The following CMSS1 variants were observed in gnomAD, a reference collection of about 807,000 sequenced individuals.
CMSS1 encodes protein CMSS1.
CMSS1 carries 33 observed loss-of-function variants against 43.5 expected under a neutral mutation model. The observed-to-expected ratio is 0.76, with a 90% confidence interval of 0.57 to 1.01. The LOEUF (loss-of-function observed/expected upper bound fraction) is 1.01. Ranked by LOEUF, CMSS1 falls within the 50% of genes least tolerant of loss-of-function variation. The probability of loss-of-function intolerance (pLI) is 0.00; values close to 1 mark genes in which losing one functional copy is unlikely to be tolerated. For missense variants in CMSS1, 313 were observed against 326.4 expected (o/e 0.96, Z 0.32); for synonymous variants, 115 against 117.2 (o/e 0.98, Z 0.12).
intron 1 of CMSS1, among the ~76,000 whole-genome samples, chr3:99,832,277 C>T (rs888520485): frequency 6.7e-6 from 1 of 148,576 alleles, no homozygotes; most frequent in African/African-American, 2.5e-5. Flanking sequence ...ATCACCCAGA[C>T]TGGAGTGCAG....
At chr3:99,863,187 C>T (rs915002627) in intron 1 of CMSS1, among the ~76,000 whole-genome samples, 30 of 152,270 alleles carry the variant, frequency 2.0e-4, no homozygotes, top group Middle Eastern at 3.4e-3. Context: ...ATTAGATTCT[C>T]ATAAGGAGCA....
In CMSS1 at chr3:99,991,975, C is replaced by T. The variant is rs138203799; in HGVS notation, c.65-154998C>T. ...GTATATATGTGTGTATATATACACA[C>T]ATATATGTGTATATATACGTATATA... On this transcript the variant is annotated intron_variant, in intron 1 of 9. Coordinates refer to ENST00000421999, the MANE Select transcript of CMSS1 (RefSeq NM_032359.4). Among the ~76,000 whole-genome samples the T allele has an allele frequency of 3.4e-3, 501 of 146,468 alleles. 4 individuals carry two copies. Among genetic ancestry groups the T allele is most frequent in the African/African-American group, 0.012 (468 of 39,520 alleles).
intron 1 of CMSS1, among the ~76,000 whole-genome samples, chr3:99,953,553 G>C (rs552704777): frequency 6.6e-6 from 1 of 152,078 alleles, no homozygotes; most frequent in East Asian, 1.9e-4. Flanking sequence ...CCTTTGAATG[G>C]GGTCCTAAAT....
intron 1 of CMSS1, among the ~76,000 whole-genome samples, chr3:100,034,551 G>A (rs967685889): frequency 5.3e-5 from 8 of 152,140 alleles, no homozygotes; most frequent in Non-Finnish European, 1.2e-4. Flanking sequence ...ATTATTTGGG[G>A]CCTCAAATCC....
intron 1 of CMSS1, among the ~76,000 whole-genome samples, chr3:100,136,360 G>T (rs2066753106): frequency 6.6e-6 from 1 of 152,204 alleles, no homozygotes; most frequent in Non-Finnish European, 1.5e-5. Flanking sequence ...GCTTTGAGTG[G>T]TCTTGTGTCC....
chr3:100,115,747 A>G (rs888631895), intron 1 of CMSS1, among the ~76,000 whole-genome samples: 1 of 152,156 alleles, frequency 6.6e-6, no homozygotes. Flanking sequence ...ATACTCTTCT[A>G]CATAACCACA....
intron 1 of CMSS1, among the ~76,000 whole-genome samples, chr3:99,946,694 A>G (rs1708018325): frequency 6.6e-6 from 1 of 152,194 alleles, no homozygotes; most frequent in African/African-American, 2.4e-5. Flanking sequence ...TTGAGGGATG[A>G]TTGTAGTTTA....
At chr3:100,042,350 G>C (rs1395547043) in intron 1 of CMSS1, among the ~76,000 whole-genome samples, 1 of 151,668 alleles carries the variant, frequency 6.6e-6, no homozygotes, top group Non-Finnish European at 1.5e-5. Context: ...AAAAAACATT[G>C]GCTCTGTGAC....
At chr3:100,038,846 A>G (rs1193772951) in intron 1 of CMSS1, among the ~76,000 whole-genome samples, 2 of 152,184 alleles carry the variant, frequency 1.3e-5, no homozygotes, top group East Asian at 3.8e-4. Context: ...ATGTATTGTT[A>G]AGTCCAAAAG....
chr3:100,026,117 G>A (rs1428148636), intron 1 of CMSS1, among the ~76,000 whole-genome samples: 3 of 152,146 alleles, frequency 2.0e-5, no homozygotes, highest in Admixed American at 6.6e-5. Flanking sequence ...GAGGCTGGAC[G>A]AGGCTGGACC....
intron 1 of CMSS1, among the ~76,000 whole-genome samples, chr3:100,050,480 T>C (rs1049574090): frequency 6.6e-6 from 1 of 152,198 alleles, no homozygotes; most frequent in Non-Finnish European, 1.5e-5. Context: ...CATAGTCATT[T>C]TCTGTTTTTT....
chr3:100,007,133 T>C (rs781073904), intron 1 of CMSS1, among the ~76,000 whole-genome samples: 1 of 152,180 alleles, frequency 6.6e-6, no homozygotes, highest in African/African-American at 2.4e-5. Flanking sequence ...AGCCTATTGG[T>C]AAATGTTTGA....
intron 6 of CMSS1, among the ~76,000 whole-genome samples, chr3:100,169,753 C>T (rs2067094701): frequency 2.0e-5 from 3 of 152,204 alleles, no homozygotes; most frequent in Non-Finnish European, 4.4e-5. Flanking sequence ...CTGTACTTGC[C>T]GGTCCTGAAA....
intron 1 of CMSS1, among the ~76,000 whole-genome samples, chr3:99,905,311 G>A (rs1022350944): frequency 1.3e-5 from 2 of 152,126 alleles, no homozygotes; most frequent in Non-Finnish European, 2.9e-5. Flanking sequence ...CTAGTCCCAT[G>A]TGTGCACTTA....
At position 100,109,532 on chromosome 3, in the gene CMSS1, A is replaced by G. The variant is rs574511693; in HGVS notation, c.65-37441A>G. On this transcript the variant is annotated intron_variant, in intron 1 of 9. Coordinates refer to ENST00000421999, the MANE Select transcript of CMSS1 (RefSeq NM_032359.4). The stretch of plus-strand genomic sequence containing the variant: ...AACCACTGATGTGTTTTCTGTCCCT[A>G]TAGTTTTTGGGGGTTTTTTCCCACA... 3.9e-5 allele frequency among the ~76,000 whole-genome samples: 6 copies of G among 152,000 alleles called. No homozygotes were observed. In the South Asian group the frequency reaches 6.2e-4, roughly 16 times the overall value.
intron 1 of CMSS1, among the ~76,000 whole-genome samples, chr3:99,827,220 C>A (rs1942552309): frequency 1.3e-5 from 2 of 152,126 alleles, no homozygotes; most frequent in African/African-American, 4.8e-5. Flanking sequence ...GAGACAGAGT[C>A]TCACTCTGTC....
intron 1 of CMSS1, among the ~76,000 whole-genome samples, chr3:100,063,759 A>G (rs981279729): frequency 1.3e-5 from 2 of 152,232 alleles, no homozygotes; most frequent in Non-Finnish European, 2.9e-5. Context: ...ATAAAATTTC[A>G]TATCAAAACT....
intron 1 of CMSS1, among the ~76,000 whole-genome samples, chr3:99,853,707 T>C (rs1012921843): frequency 2.0e-5 from 3 of 152,362 alleles, no homozygotes. Context: ...AAGTTCTGTC[T>C]GATTATTTGA....
At chr3:100,028,199 G>T (rs937496375) in intron 1 of CMSS1, among the ~76,000 whole-genome samples, 4 of 152,136 alleles carry the variant, frequency 2.6e-5, no homozygotes, top group Non-Finnish European at 5.9e-5. Flanking sequence ...TGAGTTAAAT[G>T]ATATCATTAT....
Sources: allele counts gnomAD v4.1 joint callset (sites outside exome capture counted in the v4.1 genomes callset), GRCh38; gene constraint gnomAD v4.1.1; transcripts MANE v1.5; gene names NCBI Gene and HGNC (gene_info 2026-07-23, HGNC 2026-07-21).